The following POLR3GL variants were observed in gnomAD, a reference collection of about 807,000 sequenced individuals.
The protein encoded by POLR3GL is RNA polymerase III subunit GL.
A neutral mutation model predicts 32.4 loss-of-function variants in POLR3GL; 26 were observed. The observed-to-expected ratio is 0.80, with a 90% confidence interval of 0.59 to 1.11. The LOEUF is 1.11. POLR3GL is among the 50% of genes most tolerant of loss of function. POLR3GL has a pLI of 0.00. For synonymous variants in POLR3GL, 95 were observed against 98.7 expected, an observed-to-expected ratio of 0.96 and a Z score of 0.22; for missense variants, 229 against 280.1, an observed-to-expected ratio of 0.82 and a Z score of 1.30.
In POLR3GL at chr1:145,974,724, C is replaced by T. The variant is rs1570997925; in HGVS notation, c.-41-101C>T. The T allele has an allele frequency of 2.6e-5, 21 of 814,934 alleles. 2 individuals are homozygous for T. In the East Asian group the frequency reaches 7.1e-4, roughly 27 times the overall value. The allele number at this position is 814,934 out of a possible 1,614,324, so 50.5% of individuals were successfully genotyped here. ...GTCAAAATTTGTTGAATGACATTAA[C>T]TTTTCATGTCCCAGAGATAAAAGAT... On this transcript the variant is annotated intron_variant, in intron 1 of 7. Coordinates refer to ENST00000369314, the MANE Select transcript of POLR3GL (RefSeq NM_032305.3).
chr1:145,978,441 A>G lies in POLR3GL; in HGVS notation c.651A>G (p.Ile217Met). ...GDSDDNMDEA[I>M]Y ...GTGATGACAATATGGACGAGGCTAT[A>G]TACTGAAGAAGGACTCTGGACCCTC... Residue 217 changes from isoleucine to methionine, a missense_variant, in exon 8 of 8, where the codon ATA (isoleucine) becomes ATG (methionine). Physicochemically the swap from Ile to Met is conservative, Grantham distance 10. Coordinates refer to ENST00000369314, the MANE Select transcript of POLR3GL (RefSeq NM_032305.3). The G allele has an allele frequency of 6.3e-7, 1 of 1,598,138 alleles. No homozygotes were observed. The highest frequency in any genetic ancestry group is 8.6e-7 in the Non-Finnish European group (1 of 1,165,722).
At chr1:145,972,004 A>ACG in intron 1 of POLR3GL, among the ~76,000 whole-genome samples, 2 of 134,056 alleles carry the variant, frequency 1.5e-5, no homozygotes, top group African/African-American at 3.0e-5. Context: ...ATATATATAT[A>ACG]TATATATACG....
In POLR3GL at chr1:145,978,058, G is replaced by A; in HGVS notation, c.532G>A (p.Glu178Lys). The A allele has an allele frequency of 6.2e-7, 1 of 1,605,050 alleles. No homozygotes were observed. Among genetic ancestry groups the A allele is most frequent in the South Asian group, 1.1e-5 (1 of 90,682 alleles). The change falls in exon 7 of 8, where the codon GAG becomes AAG. Residue 178 changes from glutamate (E) to lysine (K), a missense_variant. Glu to Lys is a moderately conservative substitution (Grantham distance 56). Transcript: ENST00000369314. Reference sequence around the variant, plus strand: ...AGAAGAAGAAGAAGAGAAGGAAGAGGAGGAAGAAGAAGAGTATGATGAAGA... The same window carrying A: ...AGAAGAAGAAGAAGAGAAGGAAGAGAAGGAAGAAGAAGAGTATGATGAAGA... ...EKEEEEEKEE[E>K]EEEEYDEEEH...
At chr1:145,972,219 A>G (rs587628056) in intron 1 of POLR3GL, among the ~76,000 whole-genome samples, 5 of 150,822 alleles carry the variant, frequency 3.3e-5, no homozygotes, top group African/African-American at 1.2e-4. Context: ...CGTCTCTACT[A>G]AAAATACAAA....
chr1:145,971,712 A>T (rs1320528610), intron 1 of POLR3GL, among the ~76,000 whole-genome samples: 1 of 151,882 alleles, frequency 6.6e-6, no homozygotes, highest in Non-Finnish European at 1.5e-5. Flanking sequence ...CACGCCTGTA[A>T]TCCCAGCACT....
intron 1 of POLR3GL, among the ~76,000 whole-genome samples, chr1:145,971,989 A>AAT (rs1165893062): frequency 2.0e-3 from 134 of 66,962 alleles, no homozygotes; most frequent in African/African-American, 5.9e-3. Context: ...AAAAAAAAAA[A>AAT]ATATATATAT....
chr1:145,972,012 A>ATATATATATGTGTGTG (rs782186587), intron 1 of POLR3GL, among the ~76,000 whole-genome samples: 1 of 112,622 alleles, frequency 8.9e-6, no homozygotes, highest in African/African-American at 4.1e-5. Flanking sequence ...ATATATATAT[A>ATATATATATGTGTGTG]CGTGTGTGTG....
intron 1 of POLR3GL, among the ~76,000 whole-genome samples, chr1:145,972,046 A>G (rs781890676): frequency 4.8e-5 from 7 of 144,606 alleles, no homozygotes; most frequent in Non-Finnish European, 1.1e-4. Context: ...ATATAGAGAG[A>G]GAGAGAGAGA....
rs375314716 is a variant in POLR3GL, at chr1:145,978,340, C to CT, written c.571-10dup. 3.8e-3 allele frequency: 4,948 copies of CT among 1,300,856 alleles called. 11 individuals carry two copies. Among genetic ancestry groups the CT allele is most frequent in the Non-Finnish European group, 4.1e-3 (3,783 of 923,034 alleles). The allele number at this position is 1,300,856 out of a possible 1,614,324, so 80.6% of individuals were successfully genotyped here. ...AAGGTGAATGCCAAATTGACTTTTA[C>CT]TTTTTTTTTTTCCATTTCAGGAAAC... On this transcript the variant is annotated intron_variant, in intron 7 of 7. Transcript: ENST00000369314.
intron 1 of POLR3GL, 24 bp downstream of exon 1, chr1:145,964,792 C>T (rs934835883): frequency 6.6e-6 from 1 of 152,212 alleles, no homozygotes; most frequent in Non-Finnish European, 1.5e-5. Context: ...TGGTTCGGTC[C>T]GACACTTGCC....
chr1:145,974,897 G>A lies in POLR3GL; in HGVS notation c.32G>A (p.Gly11Asp). The change falls in exon 2 of 8, where the codon GGC becomes GAC. Residue 11 changes from glycine to aspartate, a missense_variant. Physicochemically the swap from Gly to Asp is moderately conservative, Grantham distance 94 (BLOSUM62 -1). Coordinates refer to ENST00000369314, the MANE Select transcript of POLR3GL (RefSeq NM_032305.3). MASRGGGRGR[G>D]RGQLTFNVEA... ...AGCCGGGGTGGGGGCCGGGGTCGTG[G>A]CCGGGGCCAGTTGACCTTCAACGTG... 1 of 1,521,210 alleles carries A rather than the reference G, an allele frequency of 6.6e-7. No individual in the cohort carries two copies. Among genetic ancestry groups the A allele is most frequent in the Non-Finnish European group, 8.7e-7 (1 of 1,144,386 alleles). The allele number at this position is 1,521,210 out of a possible 1,614,324, so 94.2% of individuals were successfully genotyped here. A position where few individuals can be genotyped will look rare whatever the true frequency, so the allele number is the denominator to read the frequency against.
chr1:145,967,412 G>T (rs587657871), intron 1 of POLR3GL, among the ~76,000 whole-genome samples: 1 of 152,226 alleles, frequency 6.6e-6, no homozygotes, highest in East Asian at 1.9e-4. Context: ...CTGGCCTCAA[G>T]TGATCTGTCC....
At chr1:145,971,137 G>A (rs1399489541) in intron 1 of POLR3GL, among the ~76,000 whole-genome samples, 9 of 122,504 alleles carry the variant, frequency 7.3e-5, no homozygotes, top group Non-Finnish European at 1.4e-4. Context: ...AGTGAGCCGA[G>A]ATCGCGCCAT....
chr1:145,969,133 C>A (rs1288860298), intron 1 of POLR3GL, among the ~76,000 whole-genome samples: 1 of 152,162 alleles, frequency 6.6e-6, no homozygotes, highest in African/African-American at 2.4e-5. Flanking sequence ...CGGTCTCACT[C>A]TGTTGCCCAG....
intron 1 of POLR3GL, among the ~76,000 whole-genome samples, chr1:145,967,317 G>A (rs1650083438): frequency 6.6e-6 from 1 of 151,966 alleles, no homozygotes; most frequent in South Asian, 2.1e-4. Flanking sequence ...TGGAATTAAA[G>A]GTGTGTACCA....
chr1:145,978,198 C>A, intron 7 of POLR3GL, 102 bp downstream of exon 7: 1 of 1,497,904 alleles, frequency 6.7e-7, no homozygotes, highest in Non-Finnish European at 9.0e-7. Context: ...TAGTGCCCCC[C>A]AGGGTAGGGG....
intron 1 of POLR3GL, among the ~76,000 whole-genome samples, chr1:145,969,438 T>A (rs958442692): frequency 6.6e-6 from 1 of 151,374 alleles, no homozygotes; most frequent in African/African-American, 2.4e-5. Context: ...CTAATTTTTG[T>A]ATTTTAGTAG....
chr1:145,977,652 G>C lies in POLR3GL; in HGVS notation c.382+113G>C, dbSNP rs1474549710. ...CCAGTTCCTATACCCAATCTACCAAGTGTTGTTGCTAGATGTCATAGTGGC... is the reference window on the plus strand; with the variant it reads ...CCAGTTCCTATACCCAATCTACCAACTGTTGTTGCTAGATGTCATAGTGGC... On this transcript the variant is annotated intron_variant, in intron 5 of 7. Coordinates refer to ENST00000369314, the MANE Select transcript of POLR3GL (RefSeq NM_032305.3). 24 of 1,293,756 alleles carry C rather than the reference G, an allele frequency of 1.9e-5. No homozygotes were observed. In the African/African-American group the frequency reaches 3.4e-4, roughly 18 times the overall value. The allele number at this position is 1,293,756 out of a possible 1,614,324, so 80.1% of individuals were successfully genotyped here. A position where few individuals can be genotyped will look rare whatever the true frequency, so the allele number is the denominator to read the frequency against.
At chr1:145,968,238 AT>A (rs1295702550) in intron 1 of POLR3GL, among the ~76,000 whole-genome samples, 2 of 152,218 alleles carry the variant, frequency 1.3e-5, no homozygotes, top group Admixed American at 1.3e-4. Context: ...ATCCTCAAGA[AT>A]TTTAACTCCA....
Sources: allele counts gnomAD v4.1 joint callset (sites outside exome capture counted in the v4.1 genomes callset), GRCh38; gene constraint gnomAD v4.1.1; transcripts MANE v1.5; gene names NCBI Gene and HGNC (gene_info 2026-07-23, HGNC 2026-07-21).